GAS2: variants seen among roughly 807,000 people sequenced by gnomAD.
GAS2 encodes growth arrest-specific protein 2.
A neutral mutation model predicts 37.5 loss-of-function variants in GAS2; 20 were observed. That is an observed-to-expected ratio of 0.53 (90% CI 0.37 to 0.77). The LOEUF (loss-of-function observed/expected upper bound fraction) is 0.77. Among genes scored for constraint, GAS2 ranks in the 30% least tolerant of loss-of-function variants. The pLI, the probability that GAS2 is intolerant of heterozygous loss-of-function variation, is 0.00. For missense variants in GAS2, 336 were observed against 373.4 expected (o/e 0.90, Z 0.82); for synonymous variants, 144 against 132.2 (o/e 1.09, Z -0.61).
chr11:22,715,460 C>CAAA (rs1192862614), intron 3 of GAS2, among the ~76,000 whole-genome samples: 4,739 of 41,576 alleles, frequency 0.11, 914 homozygotes, highest in East Asian at 0.13. Context: ...GACTCTGTCT[C>CAAA]AAAAAAAAAA....
Position 22,739,436 on chromosome 11 carries a change from T to A in GAS2, c.473+1668T>A, listed in dbSNP as rs144138945. The stretch of plus-strand genomic sequence containing the variant: ...AAAAATACAAAAAATTAGCCGGGTG[T>A]GGTGGTGGGCGCCTGTTGTCCCAGC... On this transcript the variant is annotated intron_variant, in intron 5 of 7. Transcript: ENST00000454584. 3.2e-4 allele frequency among the ~76,000 whole-genome samples: 49 copies of A among 151,366 alleles called. No individual in the cohort carries two copies. In the East Asian group the frequency reaches 6.4e-3, roughly 20 times the overall value.
intron 5 of GAS2, among the ~76,000 whole-genome samples, chr11:22,739,676 T>C (rs372401180): frequency 1.3e-5 from 2 of 148,918 alleles, no homozygotes; most frequent in African/African-American, 2.5e-5. Flanking sequence ...GCCAAGGAAA[T>C]GTTCAAGTAA....
At chr11:22,707,309 T>C (rs79105453) in intron 3 of GAS2, among the ~76,000 whole-genome samples, 5,356 of 152,248 alleles carry the variant, frequency 0.035, 295 homozygotes, top group African/African-American at 0.12. Flanking sequence ...ATGAGCCTTG[T>C]TGGCTCCCTG....
chr11:22,803,708 T>C (rs1856763837), intron 7 of GAS2, among the ~76,000 whole-genome samples: 1 of 152,128 alleles, frequency 6.6e-6, no homozygotes, highest in South Asian at 2.1e-4. Flanking sequence ...AAAAGAAGTA[T>C]TATATGATAA....
chr11:22,674,628 T>C, intron 1 of GAS2: 1 of 317,138 alleles, frequency 3.2e-6, no homozygotes, highest in Non-Finnish European at 5.7e-6. Flanking sequence ...CTTGTTTGAT[T>C]TTCTATTTGA....
chr11:22,676,900 A>G (rs982354533), intron 2 of GAS2, among the ~76,000 whole-genome samples: 3 of 152,180 alleles, frequency 2.0e-5, no homozygotes, highest in Non-Finnish European at 2.9e-5. Context: ...AATAAATACC[A>G]TAATAAAACC....
At chr11:22,698,004 G>A (rs1310969541) in intron 3 of GAS2, among the ~76,000 whole-genome samples, 3 of 152,082 alleles carry the variant, frequency 2.0e-5, no homozygotes, top group African/African-American at 7.2e-5. Flanking sequence ...GGTGAGAGAG[G>A]GCATCCCTGT....
chr11:22,660,871 C>G (rs1201064341), intron 1 of GAS2, among the ~76,000 whole-genome samples: 2 of 152,166 alleles, frequency 1.3e-5, no homozygotes, highest in Non-Finnish European at 2.9e-5. Context: ...GAGTACTGCC[C>G]TTTTATAGGA....
rs373188527 is a variant in GAS2 at position 22,651,991 on chromosome 11, T to C, written c.-20-22859T>C. 2.7e-3 allele frequency among the ~76,000 whole-genome samples: 408 copies of C among 152,302 alleles called. 4 individuals are homozygous for C. The highest frequency in any genetic ancestry group is 0.01 in the Middle Eastern group (3 of 294). ...CTGTGTTCCTTTGGAGGAGGAGAGGTGCTCTGCTTTTTAGAGTTTCCAGTT... is the reference window on the plus strand; with the variant it reads ...CTGTGTTCCTTTGGAGGAGGAGAGGCGCTCTGCTTTTTAGAGTTTCCAGTT... On this transcript the variant is annotated intron_variant, in intron 1 of 5. Transcript: ENST00000528582.
intron 1 of GAS2, among the ~76,000 whole-genome samples, chr11:22,668,652 G>A (rs1408871447): frequency 1.3e-5 from 2 of 152,120 alleles, no homozygotes; most frequent in Non-Finnish European, 2.9e-5. Context: ...TTCGAGTATG[G>A]TGAAATACCT....
chr11:22,721,068 T>G (rs897597992), intron 3 of GAS2, among the ~76,000 whole-genome samples: 1 of 152,196 alleles, frequency 6.6e-6, no homozygotes, highest in African/African-American at 2.4e-5. Flanking sequence ...GCTCAGTTTC[T>G]TCTCTGGAAA....
chr11:22,738,190 C>G (rs1852856087), intron 5 of GAS2, among the ~76,000 whole-genome samples: 1 of 152,100 alleles, frequency 6.6e-6, no homozygotes, highest in Non-Finnish European at 1.5e-5. Flanking sequence ...CTTCATTACC[C>G]TCATTCAACA....
intron 3 of GAS2, among the ~76,000 whole-genome samples, chr11:22,698,108 T>G (rs1451460086): frequency 6.6e-6 from 1 of 151,950 alleles, no homozygotes; most frequent in African/African-American, 2.4e-5. Context: ...TCAGCAAAAT[T>G]GATAGACCGC....
At chr11:22,720,982 A>G (rs1335445528) in intron 3 of GAS2, among the ~76,000 whole-genome samples, 2 of 152,072 alleles carry the variant, frequency 1.3e-5, no homozygotes, top group East Asian at 3.9e-4. Context: ...CCTTCAAGGC[A>G]TTGGTGGGCT....
chr11:22,629,617 G>A (rs1858717291), intron 1 of GAS2, among the ~76,000 whole-genome samples: 1 of 152,054 alleles, frequency 6.6e-6, no homozygotes, highest in Admixed American at 6.6e-5. Flanking sequence ...CTTGAGAAAT[G>A]TGTATTCATG....
At chr11:22,674,006 A>T (rs1325917521) in intron 1 of GAS2, among the ~76,000 whole-genome samples, 1 of 152,230 alleles carries the variant, frequency 6.6e-6, no homozygotes, top group Non-Finnish European at 1.5e-5. Context: ...ATAGCAGAGG[A>T]CAAACAAACA....
chr11:22,741,997 T>A (rs762567456), intron 5 of GAS2, among the ~76,000 whole-genome samples: 8 of 152,096 alleles, frequency 5.3e-5, no homozygotes, highest in Admixed American at 1.3e-4. Context: ...AGGCCTCAGT[T>A]TGGGGTCTTA....
chr11:22,642,230 G>A (rs780705614), intron 1 of GAS2, among the ~76,000 whole-genome samples: 4 of 152,136 alleles, frequency 2.6e-5, no homozygotes, highest in Non-Finnish European at 5.9e-5. Flanking sequence ...TGAGCAAAAT[G>A]ATGGCTCTCT....
chr11:22,692,887 C>G (rs992124108), intron 3 of GAS2, among the ~76,000 whole-genome samples: 1 of 152,066 alleles, frequency 6.6e-6, no homozygotes, highest in Non-Finnish European at 1.5e-5. Context: ...CTCCATCAGA[C>G]AACAAGAACA....
Sources: gnomAD v4.1 joint callset for allele counts (sites outside exome capture counted in the v4.1 genomes callset) on GRCh38, gnomAD v4.1.1 for gene constraint, MANE v1.5 for transcripts, NCBI Gene and HGNC (gene_info 2026-07-23, HGNC 2026-07-21) for gene names.